Variants in LCOR observed in about 807,000 individuals in gnomAD.
LCOR encodes ligand dependent nuclear receptor corepressor, also known as ligand-dependent corepressor.
Under a neutral mutation model 64.4 loss-of-function variants are expected in LCOR, and 14 were observed. That is an observed-to-expected ratio of 0.22 (90% CI 0.14 to 0.34). LCOR has a LOEUF of 0.34. LCOR is among the 10% of genes least tolerant of loss of function. The pLI is 1.00. For synonymous variants in LCOR, 643 were observed against 642.5 expected, an observed-to-expected ratio of 1.00 and a Z score of -0.01; for missense variants, 1,686 against 1,765.3, an observed-to-expected ratio of 0.96 and a Z score of 0.80.
Position 96,944,145 on chromosome 10 carries a change from G to T in LCOR, c.-151G>T, listed in dbSNP as rs528217797. On this transcript the variant is annotated 5_prime_UTR_variant, in exon 5 of 8. Coordinates refer to ENST00000421806, the MANE Select transcript of LCOR (RefSeq NM_001346516.2). ...TAGTCGGTCTGGATGAACCAGCTTC[G>T]GGAGCTGGGCAAGAAGCTCTGCTTA... The T allele has an allele frequency of 1.0e-6, 1 of 985,396 alleles. No individual in the cohort carries two copies. Among genetic ancestry groups the T allele is most frequent in the African/African-American group, 1.7e-5 (1 of 57,150 alleles). The allele number at this position is 985,396 out of a possible 1,614,324, so 61.0% of individuals were successfully genotyped here.
intron 2 of LCOR, among the ~76,000 whole-genome samples, chr10:96,903,958 C>G (rs1846686127): frequency 6.6e-6 from 1 of 152,054 alleles, no homozygotes; most frequent in South Asian, 2.1e-4. Flanking sequence ...GTTTAGATAG[C>G]CTGTGACAAA....
At chr10:96,958,131 A>T (rs1847814718) in intron 7 of LCOR, 1 of 1,182,810 alleles carries the variant, frequency 8.5e-7, no homozygotes, top group African/African-American at 1.6e-5. Flanking sequence ...CTTTTTGCGT[A>T]ATGTTTGGGA....
chr10:96,985,692 A>G lies in LCOR; in HGVS notation c.*558A>G, dbSNP rs1848143251. ...TCATTTTATGGTATGCAGAGGATTT[A>G]TAATTATAAAAGATTACTATTTCTG... On this transcript the variant is annotated 3_prime_UTR_variant, in exon 8 of 8. Transcript: ENST00000421806. The G allele has an allele frequency of 6.0e-6, 1 of 166,704 alleles. No homozygotes were observed. The highest frequency in any genetic ancestry group is 2.4e-5 in the African/African-American group (1 of 41,466). The allele number at this position is 166,704 out of a possible 1,614,324, so 10.3% of individuals were successfully genotyped here. A position where few individuals can be genotyped will look rare whatever the true frequency, so the allele number is the denominator to read the frequency against.
chr10:96,963,241 A>G (rs1847908113), intron 7 of LCOR: 1 of 152,200 alleles, frequency 6.6e-6, no homozygotes, highest in African/African-American at 2.4e-5. Context: ...ATAAATGTAT[A>G]GCCAGCACAC....
chr10:96,849,275 G>C (rs1845686755), intron 2 of LCOR, among the ~76,000 whole-genome samples: 1 of 151,780 alleles, frequency 6.6e-6, no homozygotes, highest in Non-Finnish European at 1.5e-5. Flanking sequence ...GGGTTTCACT[G>C]TGTTAGCCAG....
chr10:96,981,095 C>G lies in LCOR; in HGVS notation c.635C>G (p.Ser212Cys). 3 of 703,132 alleles carry G rather than the reference C, an allele frequency of 4.3e-6. No individual in the cohort carries two copies. The highest frequency in any genetic ancestry group is 7.8e-6 in the Non-Finnish European group (3 of 385,104). 43.6% of individuals were successfully genotyped at this position (703,132 alleles called of 1,614,324 possible). The change falls in exon 8 of 8, where the codon TCT (serine) becomes TGT (cysteine). Residue 212 changes from serine (S) to cysteine (C), a missense_variant. By Grantham distance (112) the Ser-to-Cys change is moderately radical. Around this residue, in one of 3 missense-constraint regions of LCOR, gnomAD observed 313 missense variants for 247.2 expected, o/e 1.27. Transcript: ENST00000421806. ...SVDLFVDSSDSHSPLHLTEQT... is the reference protein window; with the variant it reads ...SVDLFVDSSDCHSPLHLTEQT... ...GATTTGTTCGTAGACTCGTCAGACT[C>G]TCACAGCCCTCTACACTTGACGGAA...
chr10:96,874,087 A>G (rs1003838999), intron 2 of LCOR, among the ~76,000 whole-genome samples: 1 of 152,212 alleles, frequency 6.6e-6, no homozygotes, highest in African/African-American at 2.4e-5. Flanking sequence ...AATAGAAAAC[A>G]TTAGATATAG....
intron 2 of LCOR, among the ~76,000 whole-genome samples, chr10:96,865,874 CAAA>C (rs57814101): frequency 1.1e-4 from 10 of 88,996 alleles, no homozygotes; most frequent in Non-Finnish European, 1.5e-4. Context: ...GACTCTGTCT[CAAA>C]AAAAAAAAAA....
intron 2 of LCOR, among the ~76,000 whole-genome samples, chr10:96,902,543 A>T (rs60576681): frequency 0.14 from 21,496 of 152,230 alleles, 2,092 homozygotes; most frequent in African/African-American, 0.27. Context: ...AATGTCAATT[A>T]AAAAGAATTG....
intron 2 of LCOR, among the ~76,000 whole-genome samples, chr10:96,865,184 T>C (rs1343999117): frequency 2.0e-5 from 3 of 152,182 alleles, no homozygotes; most frequent in African/African-American, 7.2e-5. Flanking sequence ...CTGGTTTATA[T>C]AAAAATTTAT....
intron 1 of LCOR, chr10:96,833,192 G>C (rs1845377130): frequency 1.0e-6 from 1 of 985,056 alleles, no homozygotes; most frequent in African/African-American, 1.7e-5. Context: ...AGGAGCCCCG[G>C]CGGGGGTCGC....
chr10:96,955,236 C>T lies in LCOR; in HGVS notation c.332+3040C>T, dbSNP rs201821805. 1.6e-5 allele frequency: 26 copies of T among 1,613,998 alleles called. No individual in the cohort carries two copies. The East Asian group carries it at 2.2e-4, about 14-fold the overall frequency. On this transcript the variant is annotated intron_variant, in intron 7 of 7. Coordinates refer to ENST00000421806, the MANE Select transcript of LCOR (RefSeq NM_001346516.2). ...ACCACATTACGAGTTCAACCTCAGC[C>T]GTATGAAGTTCAGGGGAAATGGTGC...
Position 96,983,016 on chromosome 10 carries a change from T to C in LCOR, c.2556T>C (p.Ser852=). ...AAATCAAAGTTCCTAAAAATCCTAG[T>C]GCAAAACGTTCAAAAAAAGAAGGGC... ...CLEIKVPKNP[S]AKRSKKEGHP... The change falls in exon 8 of 8, where the codon AGT becomes AGC. Residue 852 remains serine (S), a synonymous_variant. Transcript: ENST00000421806. This position sits in a 1 kb window ranked among gnomAD's most constrained non-coding sequence, Gnocchi z 4.5. 1 of 1,613,782 alleles carries C rather than the reference T, an allele frequency of 6.2e-7. No individual in the cohort carries two copies. Among genetic ancestry groups the C allele is most frequent in the Non-Finnish European group, 8.5e-7 (1 of 1,179,900 alleles).
intron 2 of LCOR, among the ~76,000 whole-genome samples, chr10:96,871,876 A>T (rs1354416850): frequency 1.3e-5 from 2 of 152,228 alleles, no homozygotes; most frequent in East Asian, 3.8e-4. Flanking sequence ...ACAAAACAAC[A>T]ACAGTAAACA....
At chr10:96,933,677 G>A (rs1175926207) in intron 4 of LCOR, among the ~76,000 whole-genome samples, 5 of 151,992 alleles carry the variant, frequency 3.3e-5, no homozygotes, top group South Asian at 2.1e-4. Flanking sequence ...ATGCCACCAC[G>A]CCTGCCTAAT....
At position 96,981,153 on chromosome 10, in the gene LCOR, C is replaced by T. The variant is rs1207707164; in HGVS notation, c.693C>T (p.Asn231=). Residue 231 remains asparagine (N), a synonymous_variant, in exon 8 of 8, where the codon AAC becomes AAT. Coordinates refer to ENST00000421806, the MANE Select transcript of LCOR (RefSeq NM_001346516.2). ...CGAAGAAGCCTCCTCCTGAGATAAA[C>T]CCTGTAGATGGAAGAGAGAATGCCT... The part of the protein sequence containing the change: ...QTPKKPPPEI[N]PVDGRENALT... 1 of 710,040 alleles carries T rather than the reference C, an allele frequency of 1.4e-6. No homozygotes were observed. The highest frequency in any genetic ancestry group is 2.6e-6 in the Non-Finnish European group (1 of 391,434). 44.0% of individuals were successfully genotyped at this position (710,040 alleles called of 1,614,324 possible).
intron 2 of LCOR, among the ~76,000 whole-genome samples, chr10:96,839,272 C>T (rs1845497703): frequency 6.6e-6 from 1 of 152,092 alleles, no homozygotes; most frequent in Admixed American, 6.6e-5. Flanking sequence ...ACAGTGTATG[C>T]TTTGCAGATA....
At chr10:96,934,743 AG>A in intron 4 of LCOR, among the ~76,000 whole-genome samples, 1 of 152,308 alleles carries the variant, frequency 6.6e-6, no homozygotes, top group East Asian at 1.9e-4. Context: ...CTGGGATTAC[AG>A]GCATGCGCCA....
chr10:96,994,316 A>T lies in LCOR; in HGVS notation c.*9182A>T, dbSNP rs1294150783. 1 of 152,100 alleles carries T rather than the reference A, an allele frequency of 6.6e-6. No individual in the cohort carries two copies. The highest frequency in any genetic ancestry group is 3.1e-3 in the Middle Eastern group (1 of 318). The allele number at this position is 152,100 out of a possible 1,614,324, so 9.4% of individuals were successfully genotyped here. ...GTCTAAAGCTGCCTTCGTGTCTGGG[A>T]TTACACCATGTAGGTCAGTATAAAG... On this transcript the variant is annotated 3_prime_UTR_variant, in exon 8 of 8. Coordinates refer to ENST00000421806, the MANE Select transcript of LCOR (RefSeq NM_001346516.2).
Sources: allele counts gnomAD v4.1 joint callset (sites outside exome capture counted in the v4.1 genomes callset), GRCh38; gene constraint gnomAD v4.1.1; regional missense constraint gnomAD v4.1.1; non-coding constraint Gnocchi (gnomAD v3.1); transcripts MANE v1.5; gene names NCBI Gene and HGNC (gene_info 2026-07-23, HGNC 2026-07-21).